The following LINGO2 variants were observed in gnomAD, a reference collection of about 807,000 sequenced individuals.
The protein encoded by LINGO2 is leucine-rich repeat and immunoglobulin-like domain-containing nogo receptor-interacting protein 2.
A neutral mutation model predicts 30.6 loss-of-function variants in LINGO2; 14 were observed. That is an observed-to-expected ratio of 0.46 (90% CI 0.30 to 0.72). The LOEUF (loss-of-function observed/expected upper bound fraction) is 0.72, where lower values mean the gene tolerates loss of function less well. LINGO2 is among the 30% of genes least tolerant of loss of function. The pLI, the probability that LINGO2 is intolerant of heterozygous loss-of-function variation, is 0.07. For synonymous variants in LINGO2, 317 were observed against 288.5 expected (o/e 1.10, Z -1.00); for missense variants, 729 against 751.7 (o/e 0.97, Z 0.35).
chr9:29,033,221 T>G, the LINGO2 span, among the ~76,000 whole-genome samples: 4 of 151,984 alleles, frequency 2.6e-5, no homozygotes, highest in African/African-American at 9.7e-5. Flanking sequence ...CTTCCAAAGT[T>G]CATGTGAGGT....
At chr9:28,222,634 G>A (rs1821006579) in intron 4 of LINGO2, among the ~76,000 whole-genome samples, 1 of 152,106 alleles carries the variant, frequency 6.6e-6, no homozygotes, top group Non-Finnish European at 1.5e-5. Context: ...GCATTTCCAA[G>A]GATAATTGAG....
chr9:28,938,836 C>A, the LINGO2 span, among the ~76,000 whole-genome samples: 5 of 152,130 alleles, frequency 3.3e-5, no homozygotes, highest in Non-Finnish European at 7.4e-5. Flanking sequence ...CACACTGTAA[C>A]AAATATTATA....
the LINGO2 span, among the ~76,000 whole-genome samples, chr9:28,782,533 T>A: frequency 6.6e-6 from 1 of 151,814 alleles, no homozygotes; most frequent in African/African-American, 2.4e-5. Flanking sequence ...CCACATTAAC[T>A]ATGTGTTGTG....
chr9:28,241,293 G>GAA (rs1821784923), intron 4 of LINGO2, among the ~76,000 whole-genome samples: 1 of 49,044 alleles, frequency 2.0e-5, no homozygotes, highest in Admixed American at 2.3e-4. Flanking sequence ...AAAAAAAAAA[G>GAA]AAAAAAGAAA....
chr9:28,028,160 G>A (rs527367550), intron 4 of LINGO2, among the ~76,000 whole-genome samples: 11 of 151,952 alleles, frequency 7.2e-5, no homozygotes, highest in South Asian at 2.1e-4. Context: ...TCTCTTGACC[G>A]GTGTTTTAAG....
intron 1 of LINGO2, among the ~76,000 whole-genome samples, chr9:28,497,557 C>T (rs924685159): frequency 1.3e-5 from 2 of 152,088 alleles, no homozygotes; most frequent in African/African-American, 2.4e-5. Flanking sequence ...GTTAGTCATT[C>T]GTCTAATCTT....
intron 1 of LINGO2, among the ~76,000 whole-genome samples, chr9:28,551,746 C>T (rs1009109296): frequency 9.2e-5 from 14 of 152,012 alleles, no homozygotes; most frequent in Admixed American, 3.3e-4. Context: ...ATGATTTAGA[C>T]ACTGTATATT....
chr9:28,889,424 G>GT, the LINGO2 span, among the ~76,000 whole-genome samples: 2 of 118,890 alleles, frequency 1.7e-5, no homozygotes, highest in Non-Finnish European at 3.6e-5. Flanking sequence ...CATTTAACAT[G>GT]TTTTTTGCTT....
At chr9:28,776,874 A>G in the LINGO2 span, among the ~76,000 whole-genome samples, 275 of 151,288 alleles carry the variant, frequency 1.8e-3, 4 homozygotes, top group Non-Finnish European at 1.0e-3. Context: ...GTTACTCCAT[A>G]ATATGGTTTG....
chr9:28,055,291 T>C (rs538164090), intron 4 of LINGO2, among the ~76,000 whole-genome samples: 1 of 152,244 alleles, frequency 6.6e-6, no homozygotes, highest in South Asian at 2.1e-4. Context: ...TTATAACATG[T>C]GTTTTAAATG....
the LINGO2 span, among the ~76,000 whole-genome samples, chr9:28,867,269 T>C: frequency 6.6e-6 from 1 of 152,074 alleles, no homozygotes; most frequent in Non-Finnish European, 1.5e-5. Context: ...AAAATAAAAA[T>C]AGAACAGGAA....
At chr9:28,895,315 G>C in the LINGO2 span, among the ~76,000 whole-genome samples, 346 of 152,204 alleles carry the variant, frequency 2.3e-3, 4 homozygotes, top group Middle Eastern at 0.027. Context: ...AACAGTGCTG[G>C]GGAAGATTAT....
the LINGO2 span, among the ~76,000 whole-genome samples, chr9:28,977,966 A>G: frequency 6.6e-6 from 1 of 152,198 alleles, no homozygotes; most frequent in Non-Finnish European, 1.5e-5. Flanking sequence ...AGCCATTTCC[A>G]TAATCACAGA....
At chr9:29,047,393 T>G in the LINGO2 span, among the ~76,000 whole-genome samples, 5 of 152,062 alleles carry the variant, frequency 3.3e-5, no homozygotes, top group Non-Finnish European at 1.5e-5. Flanking sequence ...TATCAAAAAG[T>G]CAAAAAATAG....
the LINGO2 span, among the ~76,000 whole-genome samples, chr9:29,164,713 TACAC>T: frequency 6.6e-6 from 1 of 151,460 alleles, no homozygotes; most frequent in Non-Finnish European, 1.5e-5. Context: ...ATAACACACA[TACAC>T]ACACACACAA....
the LINGO2 span, among the ~76,000 whole-genome samples, chr9:29,070,529 T>C: frequency 1.3e-5 from 2 of 152,038 alleles, no homozygotes; most frequent in African/African-American, 2.4e-5. Flanking sequence ...AGAAGAAGGC[T>C]ACCATCGCAG....
At chr9:28,509,726 C>T (rs1564253402) in intron 1 of LINGO2, among the ~76,000 whole-genome samples, 2 of 152,198 alleles carry the variant, frequency 1.3e-5, no homozygotes, top group East Asian at 3.9e-4. Flanking sequence ...AGAGAAGCCT[C>T]ACCAGGAAGC....
In LINGO2 at chr9:28,561,749, G is replaced by GTGTGTGTATATA. The variant is rs772157537; in HGVS notation, c.-364-85725_-364-85724insTATATACACACA. Among the ~76,000 whole-genome samples, 210 of 48,714 alleles carry GTGTGTGTATATA rather than the reference G, an allele frequency of 4.3e-3. 30 individuals are homozygous for GTGTGTGTATATA. Among genetic ancestry groups the GTGTGTGTATATA allele is most frequent in the Non-Finnish European group, 5.7e-3 (159 of 27,670 alleles). 32.0% of individuals were successfully genotyped at this position (48,714 alleles called of 152,430 possible). On this transcript the variant is annotated intron_variant, in intron 1 of 5. Transcript: ENST00000379992. Reference sequence around the variant, plus strand: ...TATATATAATTTTGTGTGTGTGTGTGTATATATATATATATATATATATAT... The same window carrying GTGTGTGTATATA: ...TATATATAATTTTGTGTGTGTGTGTGTGTGTGTATATATATATATATATATATATATATATAT...
At chr9:29,086,230 G>C in the LINGO2 span, among the ~76,000 whole-genome samples, 1 of 152,026 alleles carries the variant, frequency 6.6e-6, no homozygotes, top group South Asian at 2.1e-4. Context: ...CTCTTGTGAG[G>C]GATGTAAGAG....
Sources: gnomAD v4.1 joint callset for allele counts (sites outside exome capture counted in the v4.1 genomes callset) on GRCh38, gnomAD v4.1.1 for gene constraint, MANE v1.5 for transcripts, NCBI Gene and HGNC (gene_info 2026-07-23, HGNC 2026-07-21) for gene names.